The following AGMO variants were observed in gnomAD, a reference collection of about 807,000 sequenced individuals.
AGMO encodes the protein glyceryl-ether monooxygenase.
A neutral mutation model predicts 60.2 loss-of-function variants in AGMO; 75 were observed. That is an observed-to-expected ratio of 1.25 (90% CI 1.03 to 1.51). The LOEUF (loss-of-function observed/expected upper bound fraction) is 1.51. Among genes scored for constraint, AGMO ranks in the 40% most tolerant of loss-of-function variants. The pLI, the probability that AGMO is intolerant of heterozygous loss-of-function variation, is 0.00. For synonymous variants in AGMO, 261 were observed against 177.1 expected (o/e 1.47, Z -3.76); for missense variants, 763 against 525.5 (o/e 1.45, Z -4.42).
chr7:15,317,374 T>C lies in AGMO; in HGVS notation c.1263+48140A>G, dbSNP rs546466184. 1.4e-3 allele frequency among the ~76,000 whole-genome samples: 210 copies of C among 152,266 alleles called. 1 individual carries two copies. Among genetic ancestry groups the C allele is most frequent in the Non-Finnish European group, 2.2e-3 (149 of 68,014 alleles). ...TGACAGATGTCTAGATGAAACCAGA[T>C]GCCTATATTTAGTGTTGGGACATAA... On this transcript the variant is annotated intron_variant, in intron 12 of 12. Coordinates refer to ENST00000342526, the MANE Select transcript of AGMO (RefSeq NM_001004320.2).
intron 3 of AGMO, among the ~76,000 whole-genome samples, chr7:15,521,284 A>T (rs1783977971): frequency 6.6e-6 from 1 of 152,216 alleles, no homozygotes; most frequent in Non-Finnish European, 1.5e-5. Flanking sequence ...AGGAGCTGGT[A>T]CCATTCCTTC....
intron 12 of AGMO, among the ~76,000 whole-genome samples, chr7:15,323,668 G>A (rs10279898): frequency 0.45 from 68,151 of 152,008 alleles, 17,189 homozygotes; most frequent in African/African-American, 0.7. Flanking sequence ...CGAGCTTGCA[G>A]TGCATGACTT....
At chr7:15,271,571 A>G (rs763168335) in intron 12 of AGMO, among the ~76,000 whole-genome samples, 2 of 152,120 alleles carry the variant, frequency 1.3e-5, no homozygotes, top group African/African-American at 2.4e-5. Context: ...TTCTGAAGGA[A>G]TATTTGGGGT....
intron 3 of AGMO, among the ~76,000 whole-genome samples, chr7:15,463,029 GGTA>G (rs997671222): frequency 1.3e-5 from 2 of 151,874 alleles, no homozygotes; most frequent in Non-Finnish European, 2.9e-5. Flanking sequence ...AAACATCTGG[GGTA>G]TAAGATTATC....
At chr7:15,454,338 C>T (rs925849646) in intron 3 of AGMO, among the ~76,000 whole-genome samples, 1 of 151,338 alleles carries the variant, frequency 6.6e-6, no homozygotes, top group Admixed American at 6.6e-5. Context: ...CCCAAAAGAA[C>T]AGATCTTAAG....
intron 12 of AGMO, among the ~76,000 whole-genome samples, chr7:15,330,372 A>G (rs1189092778): frequency 6.6e-6 from 1 of 152,180 alleles, no homozygotes; most frequent in African/African-American, 2.4e-5. Context: ...GTTCTTATAC[A>G]AATTAAATTC....
intron 12 of AGMO, among the ~76,000 whole-genome samples, chr7:15,347,575 T>C (rs999364522): frequency 6.6e-6 from 1 of 151,344 alleles, no homozygotes; most frequent in African/African-American, 2.4e-5. Context: ...AGATAATTCA[T>C]GACTCAAAAA....
At chr7:15,214,411 G>A (rs1002604826) in intron 12 of AGMO, among the ~76,000 whole-genome samples, 4 of 151,956 alleles carry the variant, frequency 2.6e-5, no homozygotes, top group African/African-American at 9.7e-5. Flanking sequence ...AAGTTATGCA[G>A]AGTTAAAATT....
At chr7:15,131,670 A>G in the AGMO span, among the ~76,000 whole-genome samples, 17 of 152,012 alleles carry the variant, frequency 1.1e-4, no homozygotes, top group Non-Finnish European at 2.1e-4. Context: ...TAAAGGGGCA[A>G]TTTATAAATG....
At chr7:15,518,545 C>T (rs1783888132) in intron 3 of AGMO, among the ~76,000 whole-genome samples, 1 of 152,086 alleles carries the variant, frequency 6.6e-6, no homozygotes, top group Non-Finnish European at 1.5e-5. Flanking sequence ...TGGAGTGGAC[C>T]TCCAGCAAAC....
chr7:15,279,689 G>A (rs571561294), intron 12 of AGMO, among the ~76,000 whole-genome samples: 118 of 152,258 alleles, frequency 7.7e-4, no homozygotes, highest in African/African-American at 2.8e-3. Flanking sequence ...GAAAGAAGCA[G>A]CAGGCTGCAG....
chr7:15,488,176 C>G (rs1324088682), intron 3 of AGMO, among the ~76,000 whole-genome samples: 3 of 152,148 alleles, frequency 2.0e-5, no homozygotes, highest in Non-Finnish European at 4.4e-5. Context: ...TCAACCTGAG[C>G]TTTTCAGCTG....
At chr7:15,240,239 T>C (rs942988784) in intron 12 of AGMO, among the ~76,000 whole-genome samples, 1 of 152,202 alleles carries the variant, frequency 6.6e-6, no homozygotes, top group Non-Finnish European at 1.5e-5. Flanking sequence ...CAAGTTAAGT[T>C]TGAATTGTAG....
intron 3 of AGMO, among the ~76,000 whole-genome samples, chr7:15,542,082 G>GT (rs200858235): frequency 7.9e-5 from 12 of 151,496 alleles, no homozygotes; most frequent in East Asian, 5.8e-4. Flanking sequence ...ATTATATGGG[G>GT]TTTTTTTTAG....
chr7:15,377,716 G>C (rs183964822), intron 10 of AGMO, among the ~76,000 whole-genome samples: 1 of 151,940 alleles, frequency 6.6e-6, no homozygotes, highest in African/African-American at 2.4e-5. Context: ...TTTTCTTTTG[G>C]TCTCATTCAA....
chr7:15,396,680 T>A (rs1184296656), intron 5 of AGMO: 3 of 151,650 alleles, frequency 2.0e-5, no homozygotes, highest in African/African-American at 7.3e-5. Flanking sequence ...TTGGTCCACT[T>A]TACAGAGAGC....
At chr7:15,288,866 T>C (rs1457799895) in intron 12 of AGMO, among the ~76,000 whole-genome samples, 1 of 148,090 alleles carries the variant, frequency 6.8e-6, no homozygotes, top group African/African-American at 2.5e-5. Context: ...AAAAAAAAAA[T>C]ATATATACAC....
At chr7:15,417,663 A>G (rs1780811487) in intron 5 of AGMO, among the ~76,000 whole-genome samples, 1 of 152,220 alleles carries the variant, frequency 6.6e-6, no homozygotes, top group Admixed American at 6.5e-5. Context: ...AATGCTACAT[A>G]TGTCCAAAGT....
chr7:15,372,597 G>C (rs907192286), intron 10 of AGMO, among the ~76,000 whole-genome samples: 2 of 151,888 alleles, frequency 1.3e-5, no homozygotes, highest in Admixed American at 1.3e-4. Context: ...CTTAGTATTT[G>C]CCCGTAAGAC....
Sources: gnomAD v4.1 joint callset for allele counts (sites outside exome capture counted in the v4.1 genomes callset) on GRCh38, gnomAD v4.1.1 for gene constraint, MANE v1.5 for transcripts, NCBI Gene and HGNC (gene_info 2026-07-23, HGNC 2026-07-21) for gene names.